The following STK38L variants were observed in gnomAD, a reference collection of about 807,000 sequenced individuals.
STK38L encodes the protein serine/threonine-protein kinase 38-like.
A neutral mutation model predicts 59.7 loss-of-function variants in STK38L; 28 were observed. The ratio of observed to expected loss-of-function variants is 0.47; its 90% CI spans 0.35 to 0.64. The LOEUF (loss-of-function observed/expected upper bound fraction) is 0.64. Ranked by LOEUF, STK38L falls within the 30% of genes least tolerant of loss-of-function variation. The pLI, the probability that STK38L is intolerant of heterozygous loss-of-function variation, is 0.01. For synonymous variants in STK38L, 162 were observed against 176.8 expected, an observed-to-expected ratio of 0.92 and a Z score of 0.66; for missense variants, 314 against 555.8, an observed-to-expected ratio of 0.56 and a Z score of 4.37.
chr12:27,301,197 T>A lies in STK38L; in HGVS notation c.135-940T>A, dbSNP rs1190958746. On this transcript the variant is annotated intron_variant, in intron 2 of 13. Coordinates refer to ENST00000389032, the MANE Select transcript of STK38L (RefSeq NM_015000.4). ...CTTCAAGGGTGCTGTTTAAAAAAAA[T>A]GAATAACTGAACCTGGCTGTACCTA... Among the ~76,000 whole-genome samples the A allele has an allele frequency of 1.3e-5, 2 of 152,304 alleles. 1 individual carries two copies. Among genetic ancestry groups the A allele is most frequent in the East Asian group, 3.9e-4 (2 of 5,178 alleles).
At position 27,318,030 on chromosome 12, in the gene STK38L, A is replaced by T; in HGVS notation, c.1079+11A>T. On this transcript the variant is annotated intron_variant, in intron 11 of 13. Coordinates refer to ENST00000389032, the MANE Select transcript of STK38L (RefSeq NM_015000.4). Reference sequence around the variant, plus strand: ...GGACTTAATTCTCAGGTTAGTGGTTAAATTCCTAGAGGAGTTCATAGTGTC... The same window carrying T: ...GGACTTAATTCTCAGGTTAGTGGTTTAATTCCTAGAGGAGTTCATAGTGTC... 3 of 1,613,362 alleles carry T rather than the reference A, an allele frequency of 1.9e-6. No homozygotes were observed. Among genetic ancestry groups the T allele is most frequent in the Non-Finnish European group, 2.5e-6 (3 of 1,179,722 alleles).
intron 1 of STK38L, among the ~76,000 whole-genome samples, chr12:27,271,645 A>T (rs571332152): frequency 6.6e-6 from 1 of 152,330 alleles, no homozygotes; most frequent in African/African-American, 2.4e-5. Context: ...AAAAGACTAC[A>T]GCTATTTGGG....
chr12:27,308,095 C>CATATAT lies in STK38L; in HGVS notation c.187-234_187-229dup, dbSNP rs60309554. On this transcript the variant is annotated intron_variant, in intron 3 of 13. Transcript: ENST00000389032. This position sits in a 1 kb window ranked among gnomAD's most constrained non-coding sequence, Gnocchi z 4.5. ...CATATAGATGAAAGAATAAGTTATA[C>CATATAT]ATATATATATATATAGACAAATATG... 4.6e-3 allele frequency among the ~76,000 whole-genome samples: 689 copies of CATATAT among 149,980 alleles called. 1 individual carries two copies. Among genetic ancestry groups the CATATAT allele is most frequent in the East Asian group, 0.014 (72 of 5,132 alleles).
chr12:27,276,030 G>A (rs1283325706), intron 1 of STK38L, among the ~76,000 whole-genome samples: 1 of 152,116 alleles, frequency 6.6e-6, no homozygotes, highest in African/African-American at 2.4e-5. Context: ...ATGGAAATGT[G>A]TACAAGACTT....
At chr12:27,295,614 C>T (rs1342571278) in intron 1 of STK38L, among the ~76,000 whole-genome samples, 1 of 151,794 alleles carries the variant, frequency 6.6e-6, no homozygotes, top group Admixed American at 6.6e-5. Flanking sequence ...AGATGCAGTG[C>T]TGTTGTGAGT....
At chr12:27,311,157 TACAC>T (rs1944445124) in intron 5 of STK38L, among the ~76,000 whole-genome samples, 1 of 152,214 alleles carries the variant, frequency 6.6e-6, no homozygotes, top group Admixed American at 6.5e-5. Context: ...TTGTTTTCCT[TACAC>T]ACCAGATGCA....
intron 1 of STK38L, among the ~76,000 whole-genome samples, chr12:27,255,845 T>C (rs10771327): frequency 0.63 from 95,738 of 151,966 alleles, 30,765 homozygotes; most frequent in Non-Finnish European, 0.69. Context: ...AAGACCCCAT[T>C]GTCCATCTGT....
intron 7 of STK38L, 45 bp downstream of exon 7, chr12:27,314,703 T>C (rs1441938536): frequency 6.5e-7 from 1 of 1,539,674 alleles, no homozygotes; most frequent in Non-Finnish European, 8.7e-7. Context: ...GATTATTTTT[T>C]AGAGCAGTAG....
chr12:27,254,726 G>A (rs1461904812), intron 1 of STK38L, among the ~76,000 whole-genome samples: 3 of 152,074 alleles, frequency 2.0e-5, no homozygotes, highest in Non-Finnish European at 2.9e-5. Flanking sequence ...AAAGATCATG[G>A]GCACTCTCAG....
chr12:27,268,037 A>T (rs892093746), intron 1 of STK38L, among the ~76,000 whole-genome samples: 9 of 152,274 alleles, frequency 5.9e-5, no homozygotes, highest in African/African-American at 2.2e-4. Flanking sequence ...TCATTGTATT[A>T]CCATTGTATT....
chr12:27,277,211 G>A (rs868410629), intron 1 of STK38L, among the ~76,000 whole-genome samples: 5 of 151,210 alleles, frequency 3.3e-5, no homozygotes, highest in Middle Eastern at 3.5e-3. Flanking sequence ...TTTGTTCCTC[G>A]ATTTAATTTA....
chr12:27,301,691 T>C (rs991140531), intron 2 of STK38L, among the ~76,000 whole-genome samples: 3 of 152,232 alleles, frequency 2.0e-5, no homozygotes, highest in Non-Finnish European at 4.4e-5. Context: ...AGAGTTTCAG[T>C]GAGGGACTTA....
At chr12:27,306,660 C>T (rs1565548938) in intron 3 of STK38L, among the ~76,000 whole-genome samples, 1 of 149,608 alleles carries the variant, frequency 6.7e-6, no homozygotes, top group Non-Finnish European at 1.5e-5. Context: ...ATTTAAGTAG[C>T]TTCCCTTAAA....
intron 1 of STK38L, among the ~76,000 whole-genome samples, chr12:27,265,924 TG>T (rs1943292667): frequency 6.6e-6 from 1 of 152,196 alleles, no homozygotes; most frequent in Admixed American, 6.6e-5. Context: ...GCCTAGGTTG[TG>T]GTAAACTGGC....
At chr12:27,285,175 C>T (rs1943745262) in intron 1 of STK38L, among the ~76,000 whole-genome samples, 1 of 152,116 alleles carries the variant, frequency 6.6e-6, no homozygotes, top group Admixed American at 6.5e-5. Flanking sequence ...GTTGTTAAAA[C>T]ATTAGTCTGA....
intron 9 of STK38L, among the ~76,000 whole-genome samples, chr12:27,316,837 A>G (rs1186359406): frequency 6.6e-6 from 1 of 152,198 alleles, no homozygotes; most frequent in Non-Finnish European, 1.5e-5. Context: ...TATCAACTCT[A>G]TTAGGGCAGG....
chr12:27,256,212 C>T (rs1277012429), intron 1 of STK38L, among the ~76,000 whole-genome samples: 1 of 152,220 alleles, frequency 6.6e-6, no homozygotes, highest in Non-Finnish European at 1.5e-5. Context: ...ATGTGGCTGC[C>T]ACAATGACTG....
At chr12:27,259,310 T>C (rs977745474) in intron 1 of STK38L, among the ~76,000 whole-genome samples, 6 of 152,330 alleles carry the variant, frequency 3.9e-5, no homozygotes, top group East Asian at 3.9e-4. Context: ...TAAAGAGTTA[T>C]AGCATTCAGC....
intron 6 of STK38L, 86 bp from the exon 7 acceptor site, chr12:27,314,418 A>T (rs1171289080): frequency 1.7e-6 from 2 of 1,185,390 alleles, no homozygotes; most frequent in Non-Finnish European, 2.2e-6. Context: ...AAAAAAAAAA[A>T]AGTAAAAAAA....
Sources: gnomAD v4.1 joint callset for allele counts (sites outside exome capture counted in the v4.1 genomes callset) on GRCh38, gnomAD v4.1.1 for gene constraint, Gnocchi (gnomAD v3.1) non-coding constraint, MANE v1.5 for transcripts, NCBI Gene and HGNC (gene_info 2026-07-23, HGNC 2026-07-21) for gene names.